FANCI: variants seen among roughly 807,000 people sequenced by gnomAD.
FANCI encodes the protein Fanconi anemia group I protein.
FANCI carries 156 observed loss-of-function variants against 176.1 expected under a neutral mutation model. The ratio of observed to expected loss-of-function variants is 0.89; its 90% CI spans 0.78 to 1.01. The LOEUF (loss-of-function observed/expected upper bound fraction) is 1.01, where lower values mean the gene tolerates loss of function less well. Among genes scored for constraint, FANCI ranks in the 50% least tolerant of loss-of-function variants. The pLI, the probability that FANCI is intolerant of heterozygous loss-of-function variation, is 0.00. For synonymous variants in FANCI, 613 were observed against 541.7 expected, an observed-to-expected ratio of 1.13 and a Z score of -1.83; for missense variants, 1,678 against 1,534.1, an observed-to-expected ratio of 1.09 and a Z score of -1.57.
At chr15:89,248,526 T>TA (rs1478933234) in intron 2 of FANCI, among the ~76,000 whole-genome samples, 4 of 152,116 alleles carry the variant, frequency 2.6e-5, no homozygotes, top group Non-Finnish European at 4.4e-5. Flanking sequence ...CTCTTTGATT[T>TA]TTTTTTCTTT....
Position 89,292,770 on chromosome 15 carries a change from A to G in FANCI, c.2075A>G (p.Glu692Gly), listed in dbSNP as rs2054116894. Residue 692 changes from glutamate (E) to glycine (G), a missense_variant, in exon 21 of 38, where the codon GAG becomes GGG. This residue lies in a region of FANCI where 1,204 missense variants were observed against 1,077.4 expected (regional missense o/e 1.12). Transcript: ENST00000310775. ...VIPLQQGEEE[E>G]EEEEAFYEDL... is the part of the protein sequence containing the mutation. ...CCCTTACAGCAGGGAGAGGAGGAAG[A>G]GGAGGAGGAAGAGGCATTCTACGAA... 6.2e-7 allele frequency: 1 copy of G among 1,613,678 alleles called. No individual in the cohort carries two copies.
At position 89,247,627 on chromosome 15, in the gene FANCI, A is replaced by G; in HGVS notation, c.-19-2A>G. ...CCCACCTCTGACGTTTTTCCCTTGT[A>G]GTTCTGTGATATGAGCAACAATGGA... On this transcript the variant is annotated splice_acceptor_variant, in intron 1 of 37. Transcript: ENST00000310775. LOFTEE classifies it low-confidence loss of function (5UTR_SPLICE). The G allele has an allele frequency of 6.2e-7, 1 of 1,605,636 alleles. No homozygotes were observed. Among genetic ancestry groups the G allele is most frequent in the South Asian group, 1.1e-5 (1 of 90,892 alleles).
At chr15:89,270,104 C>G (rs989613854) in intron 10 of FANCI, among the ~76,000 whole-genome samples, 2 of 152,206 alleles carry the variant, frequency 1.3e-5, no homozygotes, top group Non-Finnish European at 2.9e-5. Flanking sequence ...AGCCACTGCA[C>G]TGGCCTTCCT....
intron 34 of FANCI, 105 bp downstream of exon 34, chr15:89,307,777 CT>C (rs2054783722): frequency 2.5e-6 from 4 of 1,586,824 alleles, no homozygotes; most frequent in African/African-American, 2.7e-5. Flanking sequence ...ACTTTTTTCC[CT>C]GCTTACCACA....
Position 89,301,982 on chromosome 15 carries a change from G to C in FANCI, c.3006+540G>C, listed in dbSNP as rs139279447. Among the ~76,000 whole-genome samples the C allele has an allele frequency of 2.7e-3, 410 of 152,290 alleles. 8 individuals carry two copies. The highest frequency in any genetic ancestry group is 0.015 in the East Asian group (79 of 5,192). ...TGTATGTTTGTGTAAGTGTGCACAC[G>C]TAGATGTAGAGCTGTGTACCCACAT... On this transcript the variant is annotated intron_variant, in intron 27 of 37. Transcript: ENST00000310775.
intron 20 of FANCI, 80 bp from the exon 21 acceptor site, chr15:89,292,608 A>T: frequency 1.4e-6 from 2 of 1,382,764 alleles, no homozygotes; most frequent in South Asian, 2.3e-5. Flanking sequence ...ATAGATAAGA[A>T]TTATTTGCTG....
intron 37 of FANCI, among the ~76,000 whole-genome samples, chr15:89,315,985 C>T (rs895580426): frequency 1.3e-5 from 2 of 152,220 alleles, no homozygotes; most frequent in East Asian, 1.9e-4. Context: ...TGGAAGTTTA[C>T]ATACAAGTGC....
chr15:89,293,882 C>A lies in FANCI; in HGVS notation c.2341C>A (p.Leu781Ile), dbSNP rs560692029. The change falls in exon 23 of 38, where the codon CTC becomes ATC. Residue 781 changes from leucine (L) to isoleucine (I), a missense_variant. By Grantham distance (5) the Leu-to-Ile change is conservative. Transcript: ENST00000310775. ...GAGCTTATTTATGTGTTACAAAAAACTCTCTGACATTCTTAATGAAAAAGC... is the reference window on the plus strand; with the variant it reads ...GAGCTTATTTATGTGTTACAAAAAAATCTCTGACATTCTTAATGAAAAAGC... Reference protein sequence around the residue: ...ILSLFMCYKKLSDILNEKAGK... With the variant: ...ILSLFMCYKKISDILNEKAGK... The A allele has an allele frequency of 3.6e-5, 58 of 1,613,870 alleles. No homozygotes were observed. The highest frequency in any genetic ancestry group is 1.2e-4 in the Admixed American group (7 of 59,994).
chr15:89,301,324 A>C lies in FANCI; in HGVS notation c.2890-2A>C. ...CTTGCTGTGTGTGCCTTCCTTTCTC[A>C]GAGGTCCTTGTTGAATTTACTTAGC... is the stretch of plus-strand genomic sequence containing the variant. On this transcript the variant is annotated splice_acceptor_variant, in intron 26 of 37. Transcript: ENST00000310775. LOFTEE classifies it high-confidence loss of function. 2.5e-6 allele frequency: 4 copies of C among 1,606,334 alleles called. No homozygotes were observed. In the South Asian group the frequency reaches 4.4e-5, roughly 18 times the overall value.
At chr15:89,260,185 C>A (rs772895946) in intron 3 of FANCI, among the ~76,000 whole-genome samples, 12 of 151,360 alleles carry the variant, frequency 7.9e-5, no homozygotes, top group Non-Finnish European at 1.2e-4. Context: ...TTTTAAAATG[C>A]AAAGAAAATT....
At chr15:89,315,977 G>C (rs142694381) in intron 37 of FANCI, among the ~76,000 whole-genome samples, 1 of 152,142 alleles carries the variant, frequency 6.6e-6, no homozygotes, top group African/African-American at 2.4e-5. Context: ...TTCAAAACTG[G>C]AAGTTTACAT....
intron 32 of FANCI, 53 bp from the exon 33 acceptor site, chr15:89,307,423 C>A: frequency 1.9e-6 from 3 of 1,542,052 alleles, no homozygotes; most frequent in South Asian, 2.3e-5. Context: ...CTGCAGCAGT[C>A]ACTTGTAGTT....
chr15:89,309,440 G>A (rs2054866302), intron 34 of FANCI, among the ~76,000 whole-genome samples: 1 of 152,084 alleles, frequency 6.6e-6, no homozygotes, highest in Non-Finnish European at 1.5e-5. Flanking sequence ...AGAGATTCGT[G>A]GTGTCCATTT....
At chr15:89,244,471 T>G (rs1212002880) in intron 1 of FANCI, among the ~76,000 whole-genome samples, 2 of 152,198 alleles carry the variant, frequency 1.3e-5, no homozygotes, top group Non-Finnish European at 1.5e-5. Flanking sequence ...GATCTTGGCT[T>G]CAGATCTCTG....
In FANCI at chr15:89,291,631, C is replaced by T. The variant is rs761993713; in HGVS notation, c.1909C>T (p.Pro637Ser). Residue 637 changes from proline to serine, a missense_variant, in exon 20 of 38, where the codon CCA becomes TCA. Pro to Ser is a moderately conservative substitution (Grantham distance 74). Around this residue, in one of 3 missense-constraint regions of FANCI, gnomAD observed 1,204 missense variants for 1,077.4 expected, o/e 1.12. Coordinates refer to ENST00000310775, the MANE Select transcript of FANCI (RefSeq NM_001113378.2). ...LLSQLKQFYEPKPDLLPPLKL... is the reference protein window; with the variant it reads ...LLSQLKQFYESKPDLLPPLKL... The stretch of plus-strand genomic sequence containing the variant: ...TACACAGTTAAAACAGTTCTATGAG[C>T]CAAAACCTGATCTGCTGCCTCCTCT... The T allele has an allele frequency of 8.1e-6, 13 of 1,613,486 alleles. No homozygotes were observed. The highest frequency in any genetic ancestry group is 1.1e-5 in the Non-Finnish European group (13 of 1,179,764).
intron 27 of FANCI, 123 bp from the exon 28 acceptor site, chr15:89,303,741 C>G: frequency 2.6e-6 from 2 of 769,466 alleles, no homozygotes; most frequent in Non-Finnish European, 4.6e-6. Flanking sequence ...CACTTGAGAT[C>G]TAAGGACATG....
At chr15:89,282,871 A>C in intron 16 of FANCI, 2 of 455,226 alleles carry the variant, frequency 4.4e-6, no homozygotes, top group Non-Finnish European at 8.1e-6. Flanking sequence ...CAGTCTTCTT[A>C]TTCCTCACAT....
intron 2 of FANCI, among the ~76,000 whole-genome samples, chr15:89,255,484 A>C (rs965807372): frequency 3.9e-5 from 6 of 151,986 alleles, no homozygotes; most frequent in African/African-American, 9.7e-5. Flanking sequence ...AGGGTGGGGG[A>C]AGTAATTATA....
intron 27 of FANCI, 46 bp from the exon 28 acceptor site, chr15:89,303,818 C>G: frequency 6.5e-7 from 1 of 1,544,474 alleles, no homozygotes. Context: ...ACACCTAGGT[C>G]TATCTCTGGC....
Sources: gnomAD v4.1 joint callset for allele counts (sites outside exome capture counted in the v4.1 genomes callset) on GRCh38, gnomAD v4.1.1 for gene constraint, gnomAD v4.1.1 regional missense constraint, MANE v1.5 for transcripts, NCBI Gene and HGNC (gene_info 2026-07-23, HGNC 2026-07-21) for gene names.